ZFAT: variants seen among roughly 807,000 people sequenced by gnomAD.
The protein encoded by ZFAT is zinc finger and AT-hook domain containing, also known as zinc finger protein ZFAT.
Under a neutral mutation model 117.7 loss-of-function variants are expected in ZFAT, and 64 were observed. The observed-to-expected ratio is 0.54, with a 90% CI of 0.44 to 0.67. The LOEUF is 0.67. ZFAT is among the 30% of genes least tolerant of loss of function. ZFAT has a pLI of 0.00. For synonymous variants in ZFAT, 679 were observed against 615.0 expected (o/e 1.10, Z -1.54); for missense variants, 1,433 against 1,584.5 (o/e 0.90, Z 1.62).
the ZFAT span, chr8:134,767,157 A>C: frequency 6.6e-6 from 1 of 152,248 alleles, no homozygotes; most frequent in African/African-American, 2.4e-5. Flanking sequence ...ATCAGTTTTT[A>C]TAAATATTCA....
intron 13 of ZFAT, among the ~76,000 whole-genome samples, chr8:134,519,778 C>A (rs1370838222): frequency 6.6e-6 from 1 of 152,176 alleles, no homozygotes; most frequent in Non-Finnish European, 1.5e-5. Context: ...TGGAAACACT[C>A]TAGTGTTTCC....
the ZFAT span, among the ~76,000 whole-genome samples, chr8:134,733,066 G>C: frequency 6.6e-6 from 1 of 151,940 alleles, no homozygotes; most frequent in African/African-American, 2.4e-5. Context: ...CCAAGAAGAG[G>C]GCATACATGG....
At chr8:134,757,959 G>A in the ZFAT span, among the ~76,000 whole-genome samples, 1 of 152,154 alleles carries the variant, frequency 6.6e-6, no homozygotes. Context: ...CAATGATTCT[G>A]CAACTGACTG....
chr8:134,641,356 C>G (rs1830568305), intron 2 of ZFAT, among the ~76,000 whole-genome samples: 2 of 152,160 alleles, frequency 1.3e-5, no homozygotes, highest in Admixed American at 6.5e-5. Context: ...CGTCTCTTTT[C>G]ACTTACTTGT....
chr8:134,520,536 C>T (rs144555262), intron 13 of ZFAT, among the ~76,000 whole-genome samples: 6 of 152,176 alleles, frequency 3.9e-5, no homozygotes, highest in African/African-American at 1.2e-4. Context: ...CCAATTCTCT[C>T]GGTGAGGATG....
chr8:134,506,839 A>T (rs1819453223), intron 15 of ZFAT, among the ~76,000 whole-genome samples: 1 of 152,254 alleles, frequency 6.6e-6, no homozygotes, highest in Non-Finnish European at 1.5e-5. Flanking sequence ...AAGAGATCCA[A>T]AAAGATCTCA....
intron 11 of ZFAT, among the ~76,000 whole-genome samples, chr8:134,548,507 G>A (rs1822871636): frequency 6.6e-6 from 1 of 152,200 alleles, no homozygotes; most frequent in Non-Finnish European, 1.5e-5. Context: ...TAGGATTTCA[G>A]CTTTAACTCT....
the ZFAT span, among the ~76,000 whole-genome samples, chr8:134,831,129 A>G: frequency 2.0e-5 from 3 of 152,342 alleles, no homozygotes; most frequent in Admixed American, 6.5e-5. Flanking sequence ...CTGCTTGGGC[A>G]TATCAAGTAC....
intron 1 of ZFAT, among the ~76,000 whole-genome samples, chr8:134,700,514 C>T (rs996818963): frequency 2.6e-5 from 4 of 152,236 alleles, no homozygotes; most frequent in African/African-American, 9.6e-5. Flanking sequence ...GCCGGCTGAG[C>T]ACACTCCCCT....
chr8:134,554,784 G>A (rs1383608082), intron 11 of ZFAT, among the ~76,000 whole-genome samples: 2 of 152,210 alleles, frequency 1.3e-5, no homozygotes, highest in Non-Finnish European at 2.9e-5. Flanking sequence ...GGCCAGTGCT[G>A]GGCTGTAAAA....
At chr8:134,798,304 T>C in the ZFAT span, 1 of 151,478 alleles carries the variant, frequency 6.6e-6, no homozygotes, top group Non-Finnish European at 1.5e-5. Context: ...CAATTTTACA[T>C]TATGTTATCT....
At chr8:134,515,445 A>G (rs1373977391) in intron 13 of ZFAT, among the ~76,000 whole-genome samples, 5 of 152,134 alleles carry the variant, frequency 3.3e-5, no homozygotes, top group Admixed American at 6.5e-5. Flanking sequence ...AAGCATTCCT[A>G]TTTCTCCACA....
At chr8:134,720,053 C>G in the ZFAT span, among the ~76,000 whole-genome samples, 1 of 152,210 alleles carries the variant, frequency 6.6e-6, no homozygotes, top group Non-Finnish European at 1.5e-5. Context: ...TTTGGAACGC[C>G]GCCTCTGGAA....
At chr8:134,610,711 G>A in intron 3 of ZFAT, 56 bp from the exon 4 acceptor site, 1 of 1,588,520 alleles carries the variant, frequency 6.3e-7, no homozygotes, top group Middle Eastern at 1.7e-4. Context: ...TGGCAGAGTT[G>A]GAGGGTAAAC....
intron 15 of ZFAT, among the ~76,000 whole-genome samples, chr8:134,493,023 G>A (rs1818163401): frequency 6.6e-6 from 1 of 152,212 alleles, no homozygotes; most frequent in Non-Finnish European, 1.5e-5. Context: ...TTTCATGGAG[G>A]AAGACAGTAT....
At chr8:134,527,041 C>CTCCGAGTGGGCCTAATG (rs897531837) in intron 12 of ZFAT, among the ~76,000 whole-genome samples, 1 of 151,450 alleles carries the variant, frequency 6.6e-6, no homozygotes, top group Admixed American at 6.5e-5. Context: ...ATTCTGGTTT[C>CTCCGAGTGGGCCTAATG]TCCGAGTGGG....
rs567851882 is a variant in ZFAT at position 134,603,298 on chromosome 8, G to C, written c.786-365C>G. On this transcript the variant is annotated intron_variant, in intron 5 of 15. Coordinates refer to ENST00000377838, the MANE Select transcript of ZFAT (RefSeq NM_020863.4). ...GACTGGGCTTCAAGAAAAGGAAAGA[G>C]GGAGGCAAGAGAAGGAAGAAGGAAG... 3.9e-5 allele frequency among the ~76,000 whole-genome samples: 6 copies of C among 152,298 alleles called. No individual in the cohort carries two copies. In the South Asian group the frequency reaches 1.2e-3, roughly 32 times the overall value.
At chr8:134,635,622 A>G (rs1661164130) in intron 3 of ZFAT, among the ~76,000 whole-genome samples, 2 of 140,068 alleles carry the variant, frequency 1.4e-5, no homozygotes, top group South Asian at 4.8e-4. Flanking sequence ...AGAGACAGGG[A>G]GAGAGAGAGA....
chr8:134,528,893 T>C (rs1258026817), intron 12 of ZFAT, among the ~76,000 whole-genome samples: 2 of 152,218 alleles, frequency 1.3e-5, no homozygotes, highest in African/African-American at 4.8e-5. Context: ...CTAGCATGGT[T>C]CCAGGCACAC....
Sources: allele counts gnomAD v4.1 joint callset (sites outside exome capture counted in the v4.1 genomes callset), GRCh38; gene constraint gnomAD v4.1.1; transcripts MANE v1.5; gene names NCBI Gene and HGNC (gene_info 2026-07-23, HGNC 2026-07-21).